DAB1: variants seen among roughly 807,000 people sequenced by gnomAD.
DAB1 encodes DAB adaptor protein 1.
Under a neutral mutation model 64.6 loss-of-function variants are expected in DAB1, and 15 were observed. The ratio of observed to expected loss-of-function variants is 0.23; its 90% CI spans 0.16 to 0.36. The LOEUF (loss-of-function observed/expected upper bound fraction) is 0.36. Among genes scored for constraint, DAB1 ranks in the 10% least tolerant of loss-of-function variants. DAB1 has a pLI of 1.00. For missense variants in DAB1, 596 were observed against 706.7 expected, an observed-to-expected ratio of 0.84 and a Z score of 1.78; for synonymous variants, 235 against 251.9, an observed-to-expected ratio of 0.93 and a Z score of 0.64.
At chr1:57,696,361 A>AG (rs11389271) in intron 6 of DAB1, among the ~76,000 whole-genome samples, 85,608 of 151,832 alleles carry the variant, frequency 0.56, 24,462 homozygotes, top group East Asian at 0.71. Flanking sequence ...GACTGGGCAG[A>AG]GGGGAAGTTG....
intron 6 of DAB1, among the ~76,000 whole-genome samples, chr1:57,732,400 G>A (rs974350879): frequency 1.3e-5 from 2 of 152,208 alleles, no homozygotes; most frequent in African/African-American, 4.8e-5. Context: ...TAAGTGTCAG[G>A]ATCAGAGCAG....
intron 4 of DAB1, among the ~76,000 whole-genome samples, chr1:58,316,951 C>G (rs1379575108): frequency 2.0e-5 from 3 of 152,192 alleles, no homozygotes; most frequent in African/African-American, 7.2e-5. Flanking sequence ...AAGCACTGTT[C>G]TAAGTACATT....
At chr1:57,729,720 G>A (rs894564039) in intron 6 of DAB1, among the ~76,000 whole-genome samples, 13 of 152,066 alleles carry the variant, frequency 8.5e-5, no homozygotes, top group African/African-American at 2.2e-4. Context: ...TTATAATTTC[G>A]TCAGCAACAG....
chr1:57,629,943 C>A (rs756196660), intron 7 of DAB1, among the ~76,000 whole-genome samples: 1 of 151,696 alleles, frequency 6.6e-6, no homozygotes, highest in African/African-American at 2.4e-5. Context: ...CATAACATTT[C>A]AGAATAAAAA....
chr1:57,201,228 C>T (rs1847537), intron 2 of DAB1, among the ~76,000 whole-genome samples: 24,219 of 151,994 alleles, frequency 0.16, 2,442 homozygotes, highest in Admixed American at 0.27. Context: ...TAGTAGGCAG[C>T]AAGCAAGCAT....
At chr1:57,278,370 T>A (rs988083691) in intron 2 of DAB1, among the ~76,000 whole-genome samples, 1 of 152,256 alleles carries the variant, frequency 6.6e-6, no homozygotes, top group Non-Finnish European at 1.5e-5. Flanking sequence ...ATTCCACTGA[T>A]AACTCTTTAC....
chr1:57,000,189 G>A (rs755400311), intron 14 of DAB1, among the ~76,000 whole-genome samples: 7 of 151,936 alleles, frequency 4.6e-5, no homozygotes, highest in Non-Finnish European at 7.4e-5. Flanking sequence ...GACTACAGGT[G>A]CCCACCACCA....
chr1:57,286,378 T>A (rs1672317190), intron 2 of DAB1, among the ~76,000 whole-genome samples: 1 of 152,184 alleles, frequency 6.6e-6, no homozygotes, highest in African/African-American at 2.4e-5. Flanking sequence ...AAAACACTTC[T>A]ATTTTGTAAT....
upstream of DAB1, among the ~76,000 whole-genome samples, chr1:57,885,272 T>C (rs1471382176): frequency 6.6e-6 from 1 of 152,200 alleles, no homozygotes; most frequent in Non-Finnish European, 1.5e-5. Flanking sequence ...ACTATTATAA[T>C]TGTCATTAAA....
At chr1:58,289,098 G>A (rs934057115) in intron 4 of DAB1, among the ~76,000 whole-genome samples, 1 of 152,048 alleles carries the variant, frequency 6.6e-6, no homozygotes, top group Non-Finnish European at 1.5e-5. Context: ...CTCCTATCAC[G>A]CATTTGCATT....
chr1:57,346,629 G>C (rs550094903), intron 1 of DAB1, among the ~76,000 whole-genome samples: 1 of 152,204 alleles, frequency 6.6e-6, no homozygotes, highest in African/African-American at 2.4e-5. Context: ...CCTTTGACAT[G>C]GAATTCTAGG....
At chr1:58,523,285 C>T (rs1423292917) in intron 2 of DAB1, among the ~76,000 whole-genome samples, 1 of 152,222 alleles carries the variant, frequency 6.6e-6, no homozygotes, top group Non-Finnish European at 1.5e-5. Flanking sequence ...TGGTCACGCA[C>T]AACATCTGGA....
At chr1:58,516,128 C>T (rs953928798) in intron 2 of DAB1, among the ~76,000 whole-genome samples, 4 of 152,250 alleles carry the variant, frequency 2.6e-5, no homozygotes, top group African/African-American at 4.8e-5. Context: ...TATTTATTAT[C>T]CCCTTTTCCC....
intron 14 of DAB1, among the ~76,000 whole-genome samples, chr1:57,006,519 CT>C (rs1173805445): frequency 6.6e-6 from 1 of 152,154 alleles, no homozygotes; most frequent in African/African-American, 2.4e-5. Flanking sequence ...GGCACTATGC[CT>C]GAGGTCTTGG....
At chr1:57,349,004 T>G (rs565170196) in intron 1 of DAB1, among the ~76,000 whole-genome samples, 1 of 152,248 alleles carries the variant, frequency 6.6e-6, no homozygotes, top group African/African-American at 2.4e-5. Flanking sequence ...GCCCATTTCC[T>G]TCCCAACTGG....
chr1:58,138,612 C>A (rs1207660017), intron 5 of DAB1, among the ~76,000 whole-genome samples: 1 of 152,090 alleles, frequency 6.6e-6, no homozygotes, highest in African/African-American at 2.4e-5. Context: ...TGTCATGGCA[C>A]CTGACTTCAG....
chr1:57,782,674 G>T (rs1392513851), intron 6 of DAB1, among the ~76,000 whole-genome samples: 2 of 152,048 alleles, frequency 1.3e-5, no homozygotes, highest in African/African-American at 2.4e-5. Flanking sequence ...AAAACAAAAG[G>T]TACTATCTTG....
chr1:57,470,773 T>C (rs1045171327), intron 7 of DAB1, among the ~76,000 whole-genome samples: 2 of 152,252 alleles, frequency 1.3e-5, no homozygotes, highest in East Asian at 1.9e-4. Flanking sequence ...AAAAGAGCTA[T>C]GTCTATAGCC....
At chr1:57,368,834 C>T (rs1035255447) in intron 1 of DAB1, among the ~76,000 whole-genome samples, 8 of 152,128 alleles carry the variant, frequency 5.3e-5, no homozygotes, top group Non-Finnish European at 1.2e-4. Context: ...CCTCAAAGAT[C>T]CCATAAAAAT....
Sources: allele counts gnomAD v4.1 joint callset (sites outside exome capture counted in the v4.1 genomes callset), GRCh38; gene constraint gnomAD v4.1.1; transcripts MANE v1.5; gene names NCBI Gene and HGNC (gene_info 2026-07-23, HGNC 2026-07-21).